The following SCN11A variants were observed in gnomAD, a reference collection of about 807,000 sequenced individuals.
SCN11A encodes sodium voltage-gated channel alpha subunit 11.
A neutral mutation model predicts 162.2 loss-of-function variants in SCN11A; 122 were observed. The ratio of observed to expected loss-of-function variants is 0.75; its 90% CI spans 0.65 to 0.87. The LOEUF (loss-of-function observed/expected upper bound fraction) is 0.87. SCN11A is among the 40% of genes least tolerant of loss of function. SCN11A has a pLI of 0.00. For missense variants in SCN11A, 2,015 were observed against 2,181.6 expected, an observed-to-expected ratio of 0.92 and a Z score of 1.52; for synonymous variants, 758 against 751.5, an observed-to-expected ratio of 1.01 and a Z score of -0.14.
In SCN11A at chr3:38,978,342, C is replaced by G. The variant is rs369257976; in HGVS notation, c.-279-17919G>C. Among the ~76,000 whole-genome samples the G allele has an allele frequency of 3.9e-5, 6 of 152,318 alleles. No homozygotes were observed. The South Asian group carries it at 6.2e-4, about 16-fold the overall frequency. ...TTAAAATCTGTATGTCACTCCTGTT[C>G]ATTAAAAATGAATAACACTTTTCCT... On this transcript the variant is annotated intron_variant, in intron 2 of 29. Transcript: ENST00000302328.
intron 8 of SCN11A, 92 bp downstream of exon 8, chr3:38,926,711 C>T: frequency 7.7e-7 from 1 of 1,304,734 alleles, no homozygotes; most frequent in Non-Finnish European, 1.1e-6. Flanking sequence ...CCATACTCAG[C>T]CACTCAAATG....
At chr3:38,862,470 G>A (rs770690941) in intron 28 of SCN11A, among the ~76,000 whole-genome samples, 13 of 152,072 alleles carry the variant, frequency 8.5e-5, no homozygotes, top group South Asian at 4.2e-4. Context: ...AATTCGCAAC[G>A]GCAAAAATGT....
chr3:39,026,272 T>C (rs1380850051), intron 2 of SCN11A, among the ~76,000 whole-genome samples: 2 of 152,248 alleles, frequency 1.3e-5, no homozygotes, highest in Non-Finnish European at 2.9e-5. Context: ...TTCTTTTTTA[T>C]GTGTGAAGGT....
intron 14 of SCN11A, among the ~76,000 whole-genome samples, chr3:38,905,848 C>T (rs1453517426): frequency 2.0e-5 from 3 of 152,138 alleles, no homozygotes; most frequent in Admixed American, 2.0e-4. Context: ...AGATCCTAAA[C>T]CTCAAACACA....
intron 2 of SCN11A, among the ~76,000 whole-genome samples, chr3:38,966,399 T>G (rs2066782804): frequency 6.6e-6 from 1 of 152,182 alleles, no homozygotes; most frequent in Non-Finnish European, 1.5e-5. Flanking sequence ...ATTATGTAAT[T>G]TGAGGTAGGA....
intron 22 of SCN11A, 133 bp from the exon 23 acceptor site, chr3:38,880,256 A>G: frequency 1.6e-6 from 1 of 625,158 alleles, no homozygotes; most frequent in Non-Finnish European, 2.7e-6. Context: ...TCTGCTCAAA[A>G]GATATTAAGG....
chr3:39,031,549 A>C lies in SCN11A; in HGVS notation c.-280+831T>G, dbSNP rs562241143. ...AAACAAAAAACAAACAAACAAAAAA[A>C]AAACAAACAAAGAAGGAAGGAAAAA... On this transcript the variant is annotated intron_variant, in intron 2 of 29. Transcript: ENST00000302328. 2.0e-3 allele frequency among the ~76,000 whole-genome samples: 299 copies of C among 152,092 alleles called. 2 individuals are homozygous for C. Among genetic ancestry groups the C allele is most frequent in the African/African-American group, 7.0e-3 (290 of 41,462 alleles).
chr3:38,866,779 T>C (rs1161121334), intron 27 of SCN11A, among the ~76,000 whole-genome samples: 2 of 152,178 alleles, frequency 1.3e-5, no homozygotes, highest in Non-Finnish European at 1.5e-5. Flanking sequence ...GATTTTAGAA[T>C]CAGCAAAATA....
At chr3:38,995,803 ATCTATCTATCTATCTG>A (rs909026057) in intron 2 of SCN11A, among the ~76,000 whole-genome samples, 24 of 135,254 alleles carry the variant, frequency 1.8e-4, no homozygotes, top group East Asian at 9.5e-4. Flanking sequence ...TAAATTGTCT[ATCTATCTATCTATCTG>A]TCTATCTATC....
At chr3:38,856,025 A>C (rs2064863298) in intron 28 of SCN11A, among the ~76,000 whole-genome samples, 2 of 152,154 alleles carry the variant, frequency 1.3e-5, no homozygotes, top group African/African-American at 2.4e-5. Context: ...AGTGCACCAC[A>C]TCAGGGGATC....
At chr3:38,863,475 G>A (rs2064997579) in intron 27 of SCN11A, among the ~76,000 whole-genome samples, 176 bp from the exon 28 acceptor site, 1 of 151,996 alleles carries the variant, frequency 6.6e-6, no homozygotes, top group Non-Finnish European at 1.5e-5. Context: ...CAAGATTTAA[G>A]TTAAGGTATA....
At chr3:38,883,912 G>A (rs2065351484) in intron 21 of SCN11A, among the ~76,000 whole-genome samples, 1 of 152,208 alleles carries the variant, frequency 6.6e-6, no homozygotes, top group African/African-American at 2.4e-5. Flanking sequence ...TCCAGGGAAT[G>A]AGGTAGGATG....
chr3:38,907,347 TATCTATATATACACACACAC>T (rs1297908481), intron 14 of SCN11A, among the ~76,000 whole-genome samples: 1,193 of 50,144 alleles, frequency 0.024, 22 homozygotes, highest in African/African-American at 0.053. Flanking sequence ...TGTGTGTATA[TATCTATATATACACACACAC>T]ACACACACAC....
intron 2 of SCN11A, among the ~76,000 whole-genome samples, chr3:38,993,107 G>C (rs1176479348): frequency 6.6e-6 from 1 of 152,206 alleles, no homozygotes; most frequent in Non-Finnish European, 1.5e-5. Flanking sequence ...GCATTCCTCT[G>C]CCTCAGATTA....
chr3:39,003,174 A>T (rs35219579), intron 2 of SCN11A, among the ~76,000 whole-genome samples: 70,712 of 151,108 alleles, frequency 0.47, 20,021 homozygotes, highest in African/African-American at 0.81. Context: ...CTCTTCTCCC[A>T]CTTCCCACCC....
At chr3:39,035,056 T>A (rs144773352) in intron 1 of SCN11A, among the ~76,000 whole-genome samples, 1 of 151,994 alleles carries the variant, frequency 6.6e-6, no homozygotes, top group East Asian at 1.9e-4. Flanking sequence ...GCAATCCCTA[T>A]GAAAATAACA....
intron 28 of SCN11A, among the ~76,000 whole-genome samples, chr3:38,855,540 T>C (rs2064854125): frequency 6.6e-6 from 1 of 152,120 alleles, no homozygotes; most frequent in Non-Finnish European, 1.5e-5. Context: ...AGGGCAAGCG[T>C]ATATCCCACT....
intron 2 of SCN11A, among the ~76,000 whole-genome samples, chr3:39,015,331 CATT>C (rs1431073096): frequency 6.6e-6 from 1 of 152,138 alleles, no homozygotes; most frequent in African/African-American, 2.4e-5. Flanking sequence ...AACTTCCACT[CATT>C]ATAAATTACC....
At chr3:38,945,934 GC>G (rs1174660034) in intron 6 of SCN11A, among the ~76,000 whole-genome samples, 1 of 152,044 alleles carries the variant, frequency 6.6e-6, no homozygotes, top group African/African-American at 2.4e-5. Context: ...AAATAAGAAT[GC>G]CCATATCAGG....
Sources: allele counts gnomAD v4.1 joint callset (sites outside exome capture counted in the v4.1 genomes callset), GRCh38; gene constraint gnomAD v4.1.1; transcripts MANE v1.5; gene names NCBI Gene and HGNC (gene_info 2026-07-23, HGNC 2026-07-21).